The following MAP4 variants were observed in gnomAD, a reference collection of about 807,000 sequenced individuals.
MAP4 encodes microtubule-associated protein 4.
In MAP4, 76 loss-of-function variants were observed where a neutral mutation model predicts 170.2. The observed-to-expected ratio is 0.45, with a 90% CI of 0.37 to 0.54. MAP4 has a LOEUF of 0.54. Ranked by LOEUF, MAP4 falls within the 20% of genes least tolerant of loss-of-function variation. MAP4 has a pLI of 0.00. For synonymous variants in MAP4, 909 were observed against 994.5 expected, an observed-to-expected ratio of 0.91 and a Z score of 1.62; for missense variants, 2,506 against 2,748.0, an observed-to-expected ratio of 0.91 and a Z score of 1.97.
chr3:47,892,589 T>A, intron 10 of MAP4: 1 of 1,429,400 alleles, frequency 7.0e-7, no homozygotes, highest in Non-Finnish European at 9.1e-7. Context: ...AATTCCCCAG[T>A]ATTCATGACA....
intron 3 of MAP4, chr3:47,975,576 C>A (rs1405448822): frequency 1.3e-6 from 1 of 752,644 alleles, no homozygotes; most frequent in African/African-American, 1.7e-5. Flanking sequence ...TGCTCATAAA[C>A]CAAAGCTATT....
At chr3:48,044,154 T>G (rs2100123117) in intron 1 of MAP4, among the ~76,000 whole-genome samples, 1 of 143,296 alleles carries the variant, frequency 7.0e-6, no homozygotes, top group African/African-American at 2.6e-5. Flanking sequence ...GCTCTGTAAT[T>G]TTTTTTTGTT....
At chr3:47,926,482 C>T (rs1173251512) in intron 4 of MAP4, among the ~76,000 whole-genome samples, 1 of 152,184 alleles carries the variant, frequency 6.6e-6, no homozygotes. Context: ...CCACGCCTGG[C>T]CTAAGTTACT....
At chr3:47,995,742 C>CA (rs2100095182) in intron 2 of MAP4, among the ~76,000 whole-genome samples, 1 of 152,076 alleles carries the variant, frequency 6.6e-6, no homozygotes, top group East Asian at 1.9e-4. Flanking sequence ...ATATCAACTA[C>CA]AAAAAACTTG....
intron 1 of MAP4, among the ~76,000 whole-genome samples, chr3:48,076,618 G>T (rs1451944114): frequency 6.6e-6 from 1 of 151,446 alleles, no homozygotes; most frequent in Non-Finnish European, 1.5e-5. Flanking sequence ...GGTGGAGGCT[G>T]CAGTGGGCAG....
chr3:47,891,765 TGG>T, intron 10 of MAP4: 1 of 1,536,450 alleles, frequency 6.5e-7, no homozygotes, highest in Admixed American at 2.0e-5. Context: ...TGCTCAATAA[TGG>T]GGGCTGGGTG....
chr3:47,920,724 A>T (rs542073478), intron 5 of MAP4, among the ~76,000 whole-genome samples: 1 of 151,968 alleles, frequency 6.6e-6, no homozygotes, highest in East Asian at 1.9e-4. Flanking sequence ...GATGAATTTT[A>T]AAATTTTTTG....
intron 16 of MAP4, 35 bp from the exon 17 acceptor site, chr3:47,867,373 G>C (rs745588003): frequency 7.1e-7 from 1 of 1,407,950 alleles, no homozygotes; most frequent in South Asian, 1.2e-5. Flanking sequence ...ACAACACAAA[G>C]GGAGAGGACT....
intron 1 of MAP4, among the ~76,000 whole-genome samples, chr3:48,082,509 T>C (rs1253225861): frequency 6.6e-6 from 1 of 152,154 alleles, no homozygotes; most frequent in Non-Finnish European, 1.5e-5. Context: ...TTTAATCAAG[T>C]TATCAAAGTT....
At chr3:47,894,852 C>T (rs2100025937) in intron 10 of MAP4, among the ~76,000 whole-genome samples, 1 of 151,868 alleles carries the variant, frequency 6.6e-6, no homozygotes, top group Non-Finnish European at 1.5e-5. Flanking sequence ...ATGGCAAAAC[C>T]CTGTCTCTAC....
intron 3 of MAP4, among the ~76,000 whole-genome samples, chr3:47,934,682 C>T (rs1458357881): frequency 6.6e-6 from 1 of 152,188 alleles, no homozygotes; most frequent in East Asian, 1.9e-4. Flanking sequence ...CTATTTCACA[C>T]CCTCAGCTCT....
At chr3:47,948,261 C>A (rs1392054567) in intron 3 of MAP4, among the ~76,000 whole-genome samples, 2 of 139,972 alleles carry the variant, frequency 1.4e-5, no homozygotes, top group Non-Finnish European at 3.1e-5. Context: ...TAGGTAGGGT[C>A]TCAGCTCTGT....
In MAP4 at chr3:48,057,196, G is replaced by A. The variant is rs1267642533; in HGVS notation, c.-20+31577C>T. On this transcript the variant is annotated intron_variant, in intron 1 of 18. Transcript: ENST00000360240. ...GGGAAAGGTGGGGAAAAGATTGAGA[G>A]ATCGGATGGTTGCCGTGTCTGTGTG... Among the ~76,000 whole-genome samples, 12 of 149,138 alleles carry A rather than the reference G, an allele frequency of 8.0e-5. No individual in the cohort carries two copies. In the East Asian group the frequency reaches 1.4e-3, roughly 17 times the overall value.
chr3:47,935,956 A>AT (rs1191533235), intron 3 of MAP4, among the ~76,000 whole-genome samples: 24 of 150,854 alleles, frequency 1.6e-4, no homozygotes, highest in Admixed American at 4.6e-4. Flanking sequence ...AAAAAAAAAA[A>AT]ATATTAGGAA....
intron 10 of MAP4, 122 bp from the exon 11 acceptor site, chr3:47,877,645 G>A (rs750250864): frequency 2.9e-5 from 18 of 617,874 alleles, no homozygotes; most frequent in Non-Finnish European, 4.5e-5. Context: ...AAGTCCACAG[G>A]GTTGTGCTGC....
intron 17 of MAP4, among the ~76,000 whole-genome samples, chr3:47,859,903 T>TA (rs2062908143): frequency 6.6e-6 from 1 of 152,234 alleles, no homozygotes; most frequent in African/African-American, 2.4e-5. Flanking sequence ...GACACCACTG[T>TA]AAGTGCTTTA....
At chr3:48,053,383 T>C (rs2100128921) in intron 1 of MAP4, among the ~76,000 whole-genome samples, 1 of 152,128 alleles carries the variant, frequency 6.6e-6, no homozygotes, top group South Asian at 2.1e-4. Context: ...ACTGCTAGTA[T>C]CTCCTATTTC....
intron 10 of MAP4, among the ~76,000 whole-genome samples, chr3:47,887,336 G>A (rs1038445432): frequency 2.0e-5 from 3 of 152,256 alleles, no homozygotes; most frequent in South Asian, 2.1e-4. Flanking sequence ...GGCAATGGGG[G>A]ACTTAGCACC....
chr3:48,017,370 A>G (rs2154464190), upstream of MAP4, among the ~76,000 whole-genome samples: 1 of 151,970 alleles, frequency 6.6e-6, no homozygotes, highest in East Asian at 1.9e-4. Context: ...ACTTATACCT[A>G]CCTATCTTTT....
Sources: gnomAD v4.1 joint callset for allele counts (sites outside exome capture counted in the v4.1 genomes callset) on GRCh38, gnomAD v4.1.1 for gene constraint, MANE v1.5 for transcripts, NCBI Gene and HGNC (gene_info 2026-07-23, HGNC 2026-07-21) for gene names.